KIF16B: variants seen among roughly 807,000 people sequenced by gnomAD.
KIF16B encodes the protein kinesin family member 16B.
Under a neutral mutation model 156.3 loss-of-function variants are expected in KIF16B, and 98 were observed. The observed-to-expected ratio is 0.63, with a 90% confidence interval of 0.53 to 0.74. The LOEUF (loss-of-function observed/expected upper bound fraction) is 0.74. Ranked by LOEUF, KIF16B falls within the 30% of genes least tolerant of loss-of-function variation. The pLI is 0.00. For missense variants in KIF16B, 1,421 were observed against 1,606.5 expected, an observed-to-expected ratio of 0.88 and a Z score of 1.97; for synonymous variants, 564 against 583.7, an observed-to-expected ratio of 0.97 and a Z score of 0.49.
At chr20:16,346,310 G>C (rs2064233767) in intron 23 of KIF16B, among the ~76,000 whole-genome samples, 1 of 152,222 alleles carries the variant, frequency 6.6e-6, no homozygotes, top group Non-Finnish European at 1.5e-5. Flanking sequence ...GGAGGTGTAT[G>C]GAGCTTGGAG....
chr20:16,518,078 T>C (rs2069203378), intron 3 of KIF16B, among the ~76,000 whole-genome samples: 1 of 152,098 alleles, frequency 6.6e-6, no homozygotes, highest in African/African-American at 2.4e-5. Flanking sequence ...CCAGGAGACA[T>C]GACTGCAAAC....
At chr20:16,533,998 C>T (rs1019990260) in intron 1 of KIF16B, among the ~76,000 whole-genome samples, 46 of 152,256 alleles carry the variant, frequency 3.0e-4, no homozygotes, top group African/African-American at 9.4e-4. Context: ...CAATGGCTCC[C>T]GCCTGTAATC....
rs202146908 is a variant in KIF16B at position 16,380,090 on chromosome 20, C to T, written c.1912G>A (p.Glu638Lys). 44 of 1,533,644 alleles carry T rather than the reference C, an allele frequency of 2.9e-5. No individual in the cohort carries two copies. The East Asian group carries it at 9.7e-4, about 34-fold the overall frequency. Residue 638 changes from glutamate to lysine, a missense_variant, in exon 19 of 26, where the codon GAG (glutamate) becomes AAG (lysine). Coordinates refer to ENST00000354981, the MANE Select transcript of KIF16B (RefSeq NM_024704.5). ...ATTTCTGTCTCCTTGCGCTGGGTCTCCACCTCCTGCTGCATCCGCTCCAGT... is the reference window on the plus strand; with the variant it reads ...ATTTCTGTCTCCTTGCGCTGGGTCTTCACCTCCTGCTGCATCCGCTCCAGT... ...AELERMQQEV[E>K]TQRKETEIVQ...
chr20:16,478,585 C>G (rs1210810236), intron 12 of KIF16B, among the ~76,000 whole-genome samples: 2 of 152,144 alleles, frequency 1.3e-5, no homozygotes, highest in East Asian at 3.9e-4. Context: ...TCGCCCAGGA[C>G]ACAAATCACC....
At chr20:16,381,868 T>C (rs747455701) in intron 17 of KIF16B, 121 bp from the exon 18 acceptor site, 93 of 839,682 alleles carry the variant, frequency 1.1e-4, no homozygotes, top group Non-Finnish European at 1.6e-4. Flanking sequence ...TACTTTTAAT[T>C]ACCACGGGTT....
At chr20:16,277,232 A>C (rs1007650319) in intron 25 of KIF16B, among the ~76,000 whole-genome samples, 1 of 152,204 alleles carries the variant, frequency 6.6e-6, no homozygotes, top group African/African-American at 2.4e-5. Context: ...AGTACTTCAC[A>C]TCTGAACAAA....
At chr20:16,294,741 G>T (rs1232411809) in intron 25 of KIF16B, among the ~76,000 whole-genome samples, 1 of 152,156 alleles carries the variant, frequency 6.6e-6, no homozygotes, top group African/African-American at 2.4e-5. Context: ...AATATCACAG[G>T]TAGGGCAACA....
At chr20:16,440,022 A>G (rs965471146) in intron 12 of KIF16B, among the ~76,000 whole-genome samples, 2 of 151,842 alleles carry the variant, frequency 1.3e-5, no homozygotes, top group African/African-American at 2.4e-5. Flanking sequence ...CTCCACCCCT[A>G]CTCCCAGACA....
chr20:16,418,731 T>G (rs1179878501), intron 15 of KIF16B, among the ~76,000 whole-genome samples: 1 of 152,178 alleles, frequency 6.6e-6, no homozygotes, highest in African/African-American at 2.4e-5. Context: ...ACGCAACTCA[T>G]GTAGAGGCAT....
At chr20:16,462,220 G>A (rs905358606) in intron 12 of KIF16B, among the ~76,000 whole-genome samples, 6 of 149,800 alleles carry the variant, frequency 4.0e-5, no homozygotes, top group East Asian at 2.0e-4. Context: ...CAGCCTGGGC[G>A]GCAAGAGCAA....
chr20:16,536,705 T>C (rs975922857), intron 1 of KIF16B, among the ~76,000 whole-genome samples: 17 of 152,298 alleles, frequency 1.1e-4, no homozygotes, highest in African/African-American at 4.1e-4. Context: ...TGTCTTCCTT[T>C]GCAGATTCCT....
rs575917600 is a variant in KIF16B, at chr20:16,557,759, C to T, written c.47+15470G>A. 4.6e-5 allele frequency among the ~76,000 whole-genome samples: 7 copies of T among 152,276 alleles called. No homozygotes were observed. The South Asian group carries it at 1.2e-3, about 27-fold the overall frequency. On this transcript the variant is annotated intron_variant, in intron 1 of 25. Transcript: ENST00000354981. ...ATACCCAGAGAGAGTATCTGTTTGG[C>T]CTGCATGGTTTCCTTGTTTGGTTGT...
intron 12 of KIF16B, among the ~76,000 whole-genome samples, chr20:16,467,312 C>T (rs1040732917): frequency 2.6e-5 from 4 of 152,154 alleles, no homozygotes; most frequent in African/African-American, 9.7e-5. Flanking sequence ...CCACGCCTCA[C>T]CACCACCTCA....
At chr20:16,514,868 G>T (rs555402280) in intron 4 of KIF16B, among the ~76,000 whole-genome samples, 80 of 130,466 alleles carry the variant, frequency 6.1e-4, no homozygotes, top group African/African-American at 2.3e-3. Flanking sequence ...CCTGGGCGAC[G>T]GAGTGAGATT....
At chr20:16,447,925 G>A (rs577396015) in intron 12 of KIF16B, among the ~76,000 whole-genome samples, 2 of 152,232 alleles carry the variant, frequency 1.3e-5, no homozygotes, top group South Asian at 4.2e-4. Flanking sequence ...GGGCAACACA[G>A]CAAACATAAC....
intron 12 of KIF16B, among the ~76,000 whole-genome samples, chr20:16,457,896 GA>G (rs376140256): frequency 0.012 from 1,725 of 138,350 alleles, 35 homozygotes; most frequent in African/African-American, 0.042. Context: ...TTTTTGAGAA[GA>G]AAAAAAAAAA....
intron 19 of KIF16B, among the ~76,000 whole-genome samples, chr20:16,376,002 T>A (rs1026707822): frequency 6.6e-6 from 1 of 152,184 alleles, no homozygotes; most frequent in Non-Finnish European, 1.5e-5. Context: ...GTGACACTCA[T>A]CCCCAGTGGT....
chr20:16,359,568 G>A lies in KIF16B; in HGVS notation c.3499-3116C>T, dbSNP rs145432850. Among the ~76,000 whole-genome samples the A allele has an allele frequency of 6.8e-3, 1,005 of 147,300 alleles. 6 individuals carry two copies. Among genetic ancestry groups the A allele is most frequent in the South Asian group, 0.012 (54 of 4,548 alleles). ...AAGAACAGACTAATACAACTGCAGA[G>A]TTCTCCATTTCTAAGAATGTACCAG... On this transcript the variant is annotated intron_variant, in intron 22 of 25. Transcript: ENST00000354981.
chr20:16,328,116 A>ATTT (rs1291600925), intron 24 of KIF16B, among the ~76,000 whole-genome samples: 1 of 152,222 alleles, frequency 6.6e-6, no homozygotes, highest in Non-Finnish European at 1.5e-5. Flanking sequence ...ACTAACTGAA[A>ATTT]GTCCATCTAC....
Sources: gnomAD v4.1 joint callset for allele counts (sites outside exome capture counted in the v4.1 genomes callset) on GRCh38, gnomAD v4.1.1 for gene constraint, MANE v1.5 for transcripts, NCBI Gene and HGNC (gene_info 2026-07-23, HGNC 2026-07-21) for gene names.